Variants in KIF16B observed in about 807,000 individuals in gnomAD.
KIF16B encodes kinesin-like protein KIF16B.
In KIF16B, 98 loss-of-function variants were observed where a neutral mutation model predicts 156.3. The ratio of observed to expected loss-of-function variants is 0.63; its 90% CI spans 0.53 to 0.74. The LOEUF (loss-of-function observed/expected upper bound fraction) is 0.74, where lower values mean the gene tolerates loss of function less well. Among genes scored for constraint, KIF16B ranks in the 30% least tolerant of loss-of-function variants. The probability of loss-of-function intolerance (pLI) is 0.00; values close to 1 mark genes in which losing one functional copy is unlikely to be tolerated. For missense variants in KIF16B, 1,421 were observed against 1,606.5 expected (o/e 0.88, Z 1.97); for synonymous variants, 564 against 583.7 (o/e 0.97, Z 0.49).
At chr20:16,472,804 A>T (rs1043552882) in intron 12 of KIF16B, among the ~76,000 whole-genome samples, 1 of 152,162 alleles carries the variant, frequency 6.6e-6, no homozygotes, top group Non-Finnish European at 1.5e-5. Flanking sequence ...TCTATGTGCC[A>T]CTACCATGCC....
chr20:16,297,943 C>T (rs923276012), intron 25 of KIF16B, among the ~76,000 whole-genome samples: 9 of 152,028 alleles, frequency 5.9e-5, no homozygotes, highest in Non-Finnish European at 1.2e-4. Context: ...CTCCCCTGCT[C>T]CCACCATTCT....
chr20:16,514,678 G>T (rs1329139548), intron 4 of KIF16B, among the ~76,000 whole-genome samples: 1 of 150,658 alleles, frequency 6.6e-6, no homozygotes, highest in African/African-American at 2.4e-5. Flanking sequence ...GTCATCTAAG[G>T]TCAGAAGTTC....
At chr20:16,374,124 A>C (rs2064886580) in intron 20 of KIF16B, 133 bp downstream of exon 20, 1 of 861,864 alleles carries the variant, frequency 1.2e-6, no homozygotes, top group African/African-American at 1.7e-5. Flanking sequence ...ATGAAGGCAG[A>C]GCACATCTCA....
chr20:16,571,091 T>G (rs915604284), intron 1 of KIF16B, among the ~76,000 whole-genome samples: 1 of 152,102 alleles, frequency 6.6e-6, no homozygotes, highest in Non-Finnish European at 1.5e-5. Flanking sequence ...ACTTAATACA[T>G]CTCATGTAAC....
intron 24 of KIF16B, among the ~76,000 whole-genome samples, chr20:16,328,980 TCTAG>T (rs1293348178): frequency 6.6e-6 from 1 of 152,152 alleles, no homozygotes; most frequent in Non-Finnish European, 1.5e-5. Flanking sequence ...CTCATTAGGC[TCTAG>T]CATTTGAAAA....
At chr20:16,297,493 C>T (rs767967956) in intron 25 of KIF16B, among the ~76,000 whole-genome samples, 7 of 151,928 alleles carry the variant, frequency 4.6e-5, no homozygotes, top group African/African-American at 9.7e-5. Context: ...GAGATCAAGA[C>T]CATTCTGGCT....
At chr20:16,303,862 G>C (rs1010592477) in intron 25 of KIF16B, among the ~76,000 whole-genome samples, 2 of 152,198 alleles carry the variant, frequency 1.3e-5, no homozygotes, top group African/African-American at 4.8e-5. Flanking sequence ...GGTGGGCAGG[G>C]CATGCCTCTC....
intron 25 of KIF16B, among the ~76,000 whole-genome samples, chr20:16,306,489 C>T (rs2063542284): frequency 6.6e-6 from 1 of 152,150 alleles, no homozygotes; most frequent in Non-Finnish European, 1.5e-5. Context: ...TTTTATTTTT[C>T]AGATTACAAT....
At chr20:16,359,937 A>C (rs2064520255) in intron 22 of KIF16B, among the ~76,000 whole-genome samples, 1 of 152,198 alleles carries the variant, frequency 6.6e-6, no homozygotes, top group Non-Finnish European at 1.5e-5. Context: ...GGGGATGAGA[A>C]ATACTGCCAG....
intron 17 of KIF16B, among the ~76,000 whole-genome samples, chr20:16,383,514 A>G (rs1383340214): frequency 2.0e-5 from 3 of 152,380 alleles, no homozygotes; most frequent in Admixed American, 2.0e-4. Context: ...GAAATCAGCC[A>G]TATAAATCTA....
At chr20:16,315,538 A>G (rs1170871104) in intron 24 of KIF16B, among the ~76,000 whole-genome samples, 1 of 152,192 alleles carries the variant, frequency 6.6e-6, no homozygotes, top group African/African-American at 2.4e-5. Flanking sequence ...GATTCCTCCT[A>G]AGTGTATGTA....
At chr20:16,486,114 T>C (rs2068106862) in intron 12 of KIF16B, among the ~76,000 whole-genome samples, 4 of 152,158 alleles carry the variant, frequency 2.6e-5, no homozygotes, top group Non-Finnish European at 5.9e-5. Context: ...GATGAGACTA[T>C]GGGAGCTTTA....
At chr20:16,409,620 G>A (rs751418252) in intron 15 of KIF16B, among the ~76,000 whole-genome samples, 2 of 151,944 alleles carry the variant, frequency 1.3e-5, no homozygotes, top group East Asian at 1.9e-4. Context: ...TCTGGACTGG[G>A]GGAAAGGGTT....
At chr20:16,282,634 T>C (rs1490944400) in intron 25 of KIF16B, among the ~76,000 whole-genome samples, 1 of 151,960 alleles carries the variant, frequency 6.6e-6, no homozygotes. Context: ...GCCTAGCAGC[T>C]GGGAGGCAGG....
intron 15 of KIF16B, among the ~76,000 whole-genome samples, chr20:16,417,367 CA>C (rs1307065738): frequency 1.3e-5 from 2 of 152,114 alleles, no homozygotes; most frequent in African/African-American, 4.8e-5. Context: ...AACACTGAAG[CA>C]GCAGTGGAAC....
chr20:16,322,529 G>T (rs2063786939), intron 24 of KIF16B, among the ~76,000 whole-genome samples: 1 of 151,948 alleles, frequency 6.6e-6, no homozygotes, highest in Middle Eastern at 3.2e-3. Flanking sequence ...TAGCAAGTTA[G>T]CTAGCTATAT....
intron 23 of KIF16B, among the ~76,000 whole-genome samples, chr20:16,352,785 AC>A (rs2064363071): frequency 6.6e-6 from 1 of 152,038 alleles, no homozygotes; most frequent in African/African-American, 2.4e-5. Flanking sequence ...GGGCAGCTAC[AC>A]CCCTGGCGTG....
At chr20:16,566,171 T>G (rs2071246569) in intron 1 of KIF16B, among the ~76,000 whole-genome samples, 1 of 152,234 alleles carries the variant, frequency 6.6e-6, no homozygotes, top group Admixed American at 6.5e-5. Context: ...GTTTATAAGT[T>G]TTGTCCCTTG....
intron 1 of KIF16B, among the ~76,000 whole-genome samples, chr20:16,556,717 C>T (rs147330605): frequency 6.6e-6 from 1 of 152,170 alleles, no homozygotes. Context: ...AGGCATGCTC[C>T]TGACACACAG....
Sources: gnomAD v4.1 joint callset for allele counts (sites outside exome capture counted in the v4.1 genomes callset) on GRCh38, gnomAD v4.1.1 for gene constraint, MANE v1.5 for transcripts, NCBI Gene and HGNC (gene_info 2026-07-23, HGNC 2026-07-21) for gene names.